The following MYO9A variants were observed in gnomAD, a reference collection of about 807,000 sequenced individuals.
The protein encoded by MYO9A is myosin IXA, also known as unconventional myosin-IXa.
Under a neutral mutation model 293.3 loss-of-function variants are expected in MYO9A, and 103 were observed. That is an observed-to-expected ratio of 0.35 (90% CI 0.30 to 0.41). The LOEUF (loss-of-function observed/expected upper bound fraction) is 0.41, where lower values mean the gene tolerates loss of function less well. Among genes scored for constraint, MYO9A ranks in the 10% least tolerant of loss-of-function variants. MYO9A has a pLI of 1.00. For synonymous variants in MYO9A, 1,001 were observed against 1,035.7 expected (o/e 0.97, Z 0.64); for missense variants, 2,685 against 3,033.0 (o/e 0.89, Z 2.69).
chr15:71,866,525 G>T (rs539761838), intron 32 of MYO9A, among the ~76,000 whole-genome samples: 6 of 145,642 alleles, frequency 4.1e-5, no homozygotes, highest in African/African-American at 1.5e-4. Flanking sequence ...GTAACACGAA[G>T]TTTTTTTTTT....
At chr15:71,976,900 A>AGG in intron 12 of MYO9A, among the ~76,000 whole-genome samples, 1 of 152,324 alleles carries the variant, frequency 6.6e-6, no homozygotes, top group African/African-American at 2.4e-5. Context: ...TAAATCCTCA[A>AGG]TACTTTCTAT....
At chr15:72,068,258 C>G (rs551294633) in intron 1 of MYO9A, among the ~76,000 whole-genome samples, 1 of 152,130 alleles carries the variant, frequency 6.6e-6, no homozygotes, top group Non-Finnish European at 1.5e-5. Flanking sequence ...CTAAGCAGTA[C>G]TTCTCTGAAA....
At chr15:71,906,797 T>C (rs1448165007) in intron 19 of MYO9A, among the ~76,000 whole-genome samples, 1 of 134,004 alleles carries the variant, frequency 7.5e-6, no homozygotes, top group African/African-American at 2.7e-5. Context: ...AGTGTCTCGC[T>C]CTGTCACCCA....
chr15:72,023,229 A>G (rs1195044646), intron 4 of MYO9A, among the ~76,000 whole-genome samples: 3 of 152,238 alleles, frequency 2.0e-5, no homozygotes, highest in Non-Finnish European at 4.4e-5. Context: ...AGAAAAAATC[A>G]ACAAACATGA....
intron 13 of MYO9A, among the ~76,000 whole-genome samples, chr15:71,967,592 T>C (rs113541460): frequency 0.017 from 2,643 of 152,210 alleles, 82 homozygotes; most frequent in African/African-American, 0.06. Flanking sequence ...AGTTTCAATA[T>C]ATTCATGAAA....
At chr15:71,973,095 G>A (rs1203095750) in intron 12 of MYO9A, among the ~76,000 whole-genome samples, 1 of 152,130 alleles carries the variant, frequency 6.6e-6, no homozygotes, top group Non-Finnish European at 1.5e-5. Flanking sequence ...TCAGATCTTG[G>A]TCTGTTTGAG....
At chr15:71,918,655 A>G (rs758065020) in intron 18 of MYO9A, among the ~76,000 whole-genome samples, 56 of 152,222 alleles carry the variant, frequency 3.7e-4, no homozygotes, top group Non-Finnish European at 6.2e-4. Flanking sequence ...ATCAATTAGA[A>G]TAATTTATAG....
intron 1 of MYO9A, among the ~76,000 whole-genome samples, chr15:72,103,914 T>G (rs909560732): frequency 1.3e-5 from 2 of 152,236 alleles, no homozygotes; most frequent in African/African-American, 4.8e-5. Context: ...CACTTCTGGC[T>G]TGTTGACCTG....
chr15:72,103,152 C>A (rs1256360093), intron 1 of MYO9A, among the ~76,000 whole-genome samples: 2 of 147,334 alleles, frequency 1.4e-5, no homozygotes, highest in Non-Finnish European at 3.0e-5. Flanking sequence ...GCCAAGATTG[C>A]GCCACTGCAC....
intron 21 of MYO9A, 40 bp downstream of exon 21, chr15:71,903,889 G>T: frequency 1.3e-6 from 2 of 1,493,558 alleles, no homozygotes; most frequent in Non-Finnish European, 1.9e-6. Context: ...TCATTTACTT[G>T]ATGTGTCTAA....
At chr15:71,828,110 A>C (rs2054583390) in intron 40 of MYO9A, 84 bp from the exon 41 acceptor site, 2 of 1,467,656 alleles carry the variant, frequency 1.4e-6, no homozygotes, top group Non-Finnish European at 9.2e-7. Context: ...CATGGAAGTC[A>C]GGAATCTAAG....
At position 71,859,756 on chromosome 15, in the gene MYO9A, G is replaced by A; in HGVS notation, c.6132C>T (p.Thr2044=). 1 of 1,613,184 alleles carries A rather than the reference G, an allele frequency of 6.2e-7. No homozygotes were observed. Among genetic ancestry groups the A allele is most frequent in the South Asian group, 1.1e-5 (1 of 91,018 alleles). ...YACHKKCCLK[T]TAKCSKKYDP... ...TTACCTTTTTAGAGCACTTGGCTGT[G>A]GTTTTCAGACAGCACTTCTTATGGC... The change falls in exon 34 of 42, where the codon ACC becomes ACT. Residue 2044 remains threonine, a synonymous_variant. Transcript: ENST00000356056.
chr15:72,055,640 C>G (rs1360948293), intron 1 of MYO9A, among the ~76,000 whole-genome samples: 3 of 151,914 alleles, frequency 2.0e-5, no homozygotes, highest in Non-Finnish European at 4.4e-5. Context: ...ACAATCCCAT[C>G]AAAAAGTAGG....
rs2054403378 is a variant in MYO9A at position 71,824,805 on chromosome 15, G to A, written c.*1775C>T. On this transcript the variant is annotated 3_prime_UTR_variant, in exon 42 of 42. Coordinates refer to ENST00000356056, the MANE Select transcript of MYO9A (RefSeq NM_006901.4). ...AATTCTGAACCCAAAGTAGGGAGAG[G>A]TAAGACTCCTGCTACCTTTAGCTGC... 1 of 152,184 alleles carries A rather than the reference G, an allele frequency of 6.6e-6. No individual in the cohort carries two copies. 9.4% of individuals were successfully genotyped at this position (152,184 alleles called of 1,614,324 possible).
Position 71,830,232 on chromosome 15 carries a change from A to G in MYO9A, c.6917T>C (p.Val2306Ala). ...VVVRLPSVSD[V>A]SEETLTSEAA... ...CTCACTAGTCAAGGTCTCCTCTGAG[A>G]CATCAGACACAGAAGGCAACCGAAC... The change falls in exon 40 of 42, where the codon GTC becomes GCC. Residue 2306 changes from valine to alanine, a missense_variant. Transcript: ENST00000356056. 3.7e-6 allele frequency: 6 copies of G among 1,614,062 alleles called. No homozygotes were observed. Among genetic ancestry groups the G allele is most frequent in the Non-Finnish European group, 3.4e-6 (4 of 1,179,974 alleles).
intron 34 of MYO9A, among the ~76,000 whole-genome samples, chr15:71,856,988 A>G (rs1426490163): frequency 2.0e-5 from 3 of 152,224 alleles, no homozygotes; most frequent in Non-Finnish European, 4.4e-5. Flanking sequence ...AAATTATTAT[A>G]GAAATAGAAT....
chr15:72,028,218 A>AATAAAT (rs1555408276), intron 3 of MYO9A, among the ~76,000 whole-genome samples: 198 of 134,232 alleles, frequency 1.5e-3, no homozygotes, highest in East Asian at 7.2e-3. Flanking sequence ...TAAATAAATA[A>AATAAAT]ATATATATAT....
In MYO9A at chr15:72,029,357, A is replaced by C. The variant is rs554882671; in HGVS notation, c.936-1564T>G. Among the ~76,000 whole-genome samples the C allele has an allele frequency of 7.2e-5, 11 of 152,354 alleles. No individual in the cohort carries two copies. The East Asian group carries it at 2.1e-3, about 29-fold the overall frequency. On this transcript the variant is annotated intron_variant, in intron 3 of 41. Transcript: ENST00000356056. ...CACAGAGTGCACTTATACAACCCTG[A>C]TAGTATAGCCTACTACACACTTAGG...
rs529309685 is a variant in MYO9A at position 72,009,059 on chromosome 15, TCA to T, written c.1254-1109_1254-1108del. Among the ~76,000 whole-genome samples, 858 of 152,254 alleles carry T rather than the reference TCA, an allele frequency of 5.6e-3. 12 individuals are homozygous for T. The highest frequency in any genetic ancestry group is 0.02 in the African/African-American group (813 of 41,550). ...TAAATCTTTGAATCATTCACGTGAC[TCA>T]CAGGAAATACAAGTCTATTATAAAA... On this transcript the variant is annotated intron_variant, in intron 7 of 41. Coordinates refer to ENST00000356056, the MANE Select transcript of MYO9A (RefSeq NM_006901.4).
Sources: gnomAD v4.1 joint callset for allele counts (sites outside exome capture counted in the v4.1 genomes callset) on GRCh38, gnomAD v4.1.1 for gene constraint, MANE v1.5 for transcripts, NCBI Gene and HGNC (gene_info 2026-07-23, HGNC 2026-07-21) for gene names.